PODXL2: variants seen among roughly 807,000 people sequenced by gnomAD.
PODXL2 encodes podocalyxin-like protein 2.
A neutral mutation model predicts 53.4 loss-of-function variants in PODXL2; 17 were observed. The ratio of observed to expected loss-of-function variants is 0.32; its 90% CI spans 0.22 to 0.48. The LOEUF is 0.48. Ranked by LOEUF, PODXL2 falls within the 20% of genes least tolerant of loss-of-function variation. The pLI is 0.99. For missense variants in PODXL2, 673 were observed against 760.0 expected (o/e 0.89, Z 1.35); for synonymous variants, 311 against 306.7 (o/e 1.01, Z -0.15).
chr3:127,639,420 C>A lies in PODXL2; in HGVS notation c.246C>A (p.Pro82=). Residue 82 remains proline (P), a synonymous_variant, in exon 2 of 8, where the codon CCC becomes CCA. Coordinates refer to ENST00000342480, the MANE Select transcript of PODXL2 (RefSeq NM_015720.4). ...TGGGAGCCCCTGGCTCAGGCTTCCC[C>A]AGCGAAGAGAATGAAGAGTCTCGGA... The part of the protein sequence containing the change: ...AGLGAPGSGF[P]SEENEESRIL... The A allele has an allele frequency of 6.2e-7, 1 of 1,614,252 alleles. No homozygotes were observed.
At chr3:127,644,911 C>G (rs1157422100) in intron 2 of PODXL2, among the ~76,000 whole-genome samples, 1 of 152,180 alleles carries the variant, frequency 6.6e-6, no homozygotes, top group Non-Finnish European at 1.5e-5. Context: ...AGTCCTGTCC[C>G]TCATTGCTCC....
intron 2 of PODXL2, among the ~76,000 whole-genome samples, chr3:127,652,353 G>A (rs1201450817): frequency 6.6e-6 from 1 of 152,170 alleles, no homozygotes; most frequent in East Asian, 1.9e-4. Flanking sequence ...GCCACCAGGG[G>A]GGGCTGTGAC....
At chr3:127,631,934 C>A (rs2074549313) in intron 1 of PODXL2, among the ~76,000 whole-genome samples, 2 of 152,162 alleles carry the variant, frequency 1.3e-5, no homozygotes, top group Non-Finnish European at 2.9e-5. Flanking sequence ...TTTTCAAAAT[C>A]TTTGCCAATT....
Position 127,672,395 on chromosome 3 carries a change from A to G in PODXL2, c.1733A>G (p.Asn578Ser). 1 of 1,544,446 alleles carries G rather than the reference A, an allele frequency of 6.5e-7. No individual in the cohort carries two copies. Reference protein sequence around the residue: ...HPSLNGGGALNGPGSWGALMG... With the variant: ...HPSLNGGGALSGPGSWGALMG... ...AGCCTGAACGGCGGCGGGGCCCTCA[A>G]CGGCCCGGGGAGCTGGGGGGCGCTC... The change falls in exon 8 of 8, where the codon AAC becomes AGC. Residue 578 changes from asparagine (N) to serine (S), a missense_variant. By Grantham distance (46) the Asn-to-Ser change is conservative. Around this residue, in one of 3 missense-constraint regions of PODXL2, gnomAD observed 79 missense variants for 70.5 expected, o/e 1.12. Coordinates refer to ENST00000342480, the MANE Select transcript of PODXL2 (RefSeq NM_015720.4).
At chr3:127,664,123 A>G (rs918993126) in intron 4 of PODXL2, among the ~76,000 whole-genome samples, 13 of 152,222 alleles carry the variant, frequency 8.5e-5, no homozygotes, top group Admixed American at 6.5e-4. Context: ...GAAACTCTGT[A>G]CCCATTAAAT....
chr3:127,644,815 G>A (rs1348204815), intron 2 of PODXL2, among the ~76,000 whole-genome samples: 1 of 152,176 alleles, frequency 6.6e-6, no homozygotes, highest in African/African-American at 2.4e-5. Flanking sequence ...AGAAGGCTAG[G>A]GAGGTGCAGG....
At chr3:127,653,330 A>G (rs2074701223) in intron 2 of PODXL2, among the ~76,000 whole-genome samples, 1 of 152,160 alleles carries the variant, frequency 6.6e-6, no homozygotes, top group African/African-American at 2.4e-5. Flanking sequence ...CAGCTCAAGC[A>G]TGTTCGCTGA....
intron 2 of PODXL2, among the ~76,000 whole-genome samples, chr3:127,655,942 T>G (rs1002895342): frequency 1.3e-5 from 2 of 152,234 alleles, no homozygotes; most frequent in African/African-American, 4.8e-5. Flanking sequence ...GAGGAACTCA[T>G]AGAGACAGTA....
chr3:127,672,507 G>T lies in PODXL2; in HGVS notation c.*27G>T. Reference sequence around the variant, plus strand: ...CGCAGCCGAGGCGCAGGCCGAGTGGGCCGCCAGGACCAAGCGAGGTGGACC... The same window carrying T: ...CGCAGCCGAGGCGCAGGCCGAGTGGTCCGCCAGGACCAAGCGAGGTGGACC... On this transcript the variant is annotated 3_prime_UTR_variant, in exon 8 of 8. Transcript: ENST00000342480. The T allele has an allele frequency of 7.1e-7, 1 of 1,410,654 alleles. No homozygotes were observed. 87.4% of individuals were successfully genotyped at this position (1,410,654 alleles called of 1,614,324 possible).
intron 1 of PODXL2, among the ~76,000 whole-genome samples, chr3:127,633,878 T>G (rs940814356): frequency 6.6e-6 from 1 of 151,074 alleles, no homozygotes; most frequent in Non-Finnish European, 1.5e-5. Context: ...AATTAGCAGG[T>G]GGGTGGTGGG....
chr3:127,640,448 C>A (rs1350491688), intron 2 of PODXL2, among the ~76,000 whole-genome samples: 1 of 152,056 alleles, frequency 6.6e-6, no homozygotes, highest in Non-Finnish European at 1.5e-5. Flanking sequence ...CGTCTGTAAT[C>A]CCAGCACTTT....
chr3:127,658,406 CTTTTT>C (rs60979669), intron 2 of PODXL2, among the ~76,000 whole-genome samples: 7 of 87,384 alleles, frequency 8.0e-5, no homozygotes, highest in African/African-American at 2.5e-4. Context: ...TTTCCCATGT[CTTTTT>C]TTTTTTTTTT....
intron 1 of PODXL2, among the ~76,000 whole-genome samples, chr3:127,637,226 C>T (rs879421031): frequency 6.6e-6 from 1 of 152,134 alleles, no homozygotes; most frequent in Non-Finnish European, 1.5e-5. Flanking sequence ...TTGGCACAGA[C>T]GTTTACTAGC....
At chr3:127,653,929 T>G (rs1053999786) in intron 2 of PODXL2, among the ~76,000 whole-genome samples, 26 of 152,218 alleles carry the variant, frequency 1.7e-4, no homozygotes, top group African/African-American at 6.0e-4. Flanking sequence ...CAGTGTGCAT[T>G]TCTTAGGAAC....
intron 7 of PODXL2, 99 bp downstream of exon 7, chr3:127,671,712 G>C: frequency 8.4e-7 from 1 of 1,187,694 alleles, no homozygotes; most frequent in Non-Finnish European, 1.2e-6. Flanking sequence ...TCTCCTGGGC[G>C]CACAGGGTCC....
intron 3 of PODXL2, 73 bp from the exon 4 acceptor site, chr3:127,662,164 G>A (rs536778709): frequency 5.9e-6 from 8 of 1,356,976 alleles, no homozygotes; most frequent in African/African-American, 4.3e-5. Flanking sequence ...AAAGGCCTCC[G>A]ACCGGGGCTC....
chr3:127,647,467 T>C (rs1386602204), intron 2 of PODXL2, among the ~76,000 whole-genome samples: 1 of 152,214 alleles, frequency 6.6e-6, no homozygotes, highest in Non-Finnish European at 1.5e-5. Context: ...CAAATTAAAG[T>C]GTTCTGCAAG....
In PODXL2 at chr3:127,662,225, C is replaced by G. The variant is rs761541094; in HGVS notation, c.1132-12C>G. 6.2e-7 allele frequency: 1 copy of G among 1,611,560 alleles called. No individual in the cohort carries two copies. The highest frequency in any genetic ancestry group is 2.2e-5 in the East Asian group (1 of 44,866). Reference sequence around the variant, plus strand: ...TCGTAACTGTCGCCCTTCTTTCTGTCTCCTCGCACAGGTGATCTGCAAGGA... The same window carrying G: ...TCGTAACTGTCGCCCTTCTTTCTGTGTCCTCGCACAGGTGATCTGCAAGGA... On this transcript the variant is annotated splice_polypyrimidine_tract_variant and intron_variant, in intron 3 of 7. Transcript: ENST00000342480.
chr3:127,652,246 C>T (rs2074694081), intron 2 of PODXL2, among the ~76,000 whole-genome samples: 1 of 152,198 alleles, frequency 6.6e-6, no homozygotes, highest in South Asian at 2.1e-4. Flanking sequence ...GCCCTTTGCT[C>T]TTGCAGGGCC....
Sources: allele counts gnomAD v4.1 joint callset (sites outside exome capture counted in the v4.1 genomes callset), GRCh38; gene constraint gnomAD v4.1.1; regional missense constraint gnomAD v4.1.1; transcripts MANE v1.5; gene names NCBI Gene and HGNC (gene_info 2026-07-23, HGNC 2026-07-21).